The following PIF1 variants were observed in gnomAD, a reference collection of about 807,000 sequenced individuals.
PIF1 encodes the protein ATP-dependent DNA helicase PIF1.
Under a neutral mutation model 62.3 loss-of-function variants are expected in PIF1, and 67 were observed. The ratio of observed to expected loss-of-function variants is 1.08; its 90% CI spans 0.88 to 1.32. The LOEUF (loss-of-function observed/expected upper bound fraction) is 1.32. Among genes scored for constraint, PIF1 ranks in the 40% most tolerant of loss-of-function variants. The probability of loss-of-function intolerance (pLI) is 0.00; values close to 1 mark genes in which losing one functional copy is unlikely to be tolerated. For missense variants in PIF1, 886 were observed against 866.1 expected (o/e 1.02, Z -0.29); for synonymous variants, 364 against 379.5 (o/e 0.96, Z 0.47).
In PIF1 at chr15:64,815,918, ACCTGTCTTCATTGCCTCTCCCTTCTGCAG is replaced by A; in HGVS notation, c.*351_*379del. The A allele has an allele frequency of 6.5e-7, 1 of 1,550,362 alleles. No homozygotes were observed. The highest frequency in any genetic ancestry group is 8.7e-7 in the Non-Finnish European group (1 of 1,146,928). On this transcript the variant is annotated 3_prime_UTR_variant, in exon 13 of 13. Coordinates refer to ENST00000559239, the MANE Select transcript of PIF1 (RefSeq NM_001286496.2). Reference sequence around the variant, plus strand: ...AGAGCCCTGATGCTGCTTCCGGAGCACCTGTCTTCATTGCCTCTCCCTTCTGCAGCCTGAAAGGAGGGATGTTCAGGACT... The same window carrying A: ...AGAGCCCTGATGCTGCTTCCGGAGCACCTGAAAGGAGGGATGTTCAGGACT...
chr15:64,817,370 C>A (rs970919019), intron 11 of PIF1, among the ~76,000 whole-genome samples: 30 of 152,076 alleles, frequency 2.0e-4, no homozygotes, highest in South Asian at 4.2e-4. Context: ...CATGGCAAAA[C>A]CCCATCTCTA....
rs760786647 is a variant in PIF1, at chr15:64,821,434, G to A, written c.904C>T (p.Arg302Trp). 9.3e-6 allele frequency: 15 copies of A among 1,614,020 alleles called. No individual in the cohort carries two copies. Among genetic ancestry groups the A allele is most frequent in the South Asian group, 2.2e-5 (2 of 91,086 alleles). The change falls in exon 5 of 13, where the codon CGG becomes TGG. Residue 302 changes from arginine to tryptophan, a missense_variant. Coordinates refer to ENST00000559239, the MANE Select transcript of PIF1 (RefSeq NM_001286496.2). ...ATTGAGATCTCGTCAATGACCAACC[G>A]CTGGCAGTTCAGCCAGCCCTGCCGC... ...GVRQGWLNCQ[R>W]LVIDEISMVE...
In PIF1 at chr15:64,818,348, C is replaced by T; in HGVS notation, c.1441-4G>A. ...ATAAGTTTTTCACCAGCATCACCTGCAAGGGAGAGAGAGGAATGGACAGCA... is the reference window on the plus strand; with the variant it reads ...ATAAGTTTTTCACCAGCATCACCTGTAAGGGAGAGAGAGGAATGGACAGCA... On this transcript the variant is annotated splice_polypyrimidine_tract_variant and splice_region_variant and intron_variant, in intron 9 of 12. Coordinates refer to ENST00000559239, the MANE Select transcript of PIF1 (RefSeq NM_001286496.2). 6.2e-7 allele frequency: 1 copy of T among 1,613,932 alleles called. No homozygotes were observed. Among genetic ancestry groups the T allele is most frequent in the Non-Finnish European group, 8.5e-7 (1 of 1,179,896 alleles).
intron 1 of PIF1, 96 bp downstream of exon 1, chr15:64,825,473 C>T (rs897345327): frequency 1.3e-5 from 2 of 152,012 alleles, no homozygotes; most frequent in African/African-American, 4.8e-5. Flanking sequence ...CGCGGGGGAC[C>T]CTGGGACCCT....
At chr15:64,825,128 C>A (rs367977105) in intron 1 of PIF1, among the ~76,000 whole-genome samples, 1 of 151,848 alleles carries the variant, frequency 6.6e-6, no homozygotes, top group Non-Finnish European at 1.5e-5. Flanking sequence ...GGGGTCCCTG[C>A]GCAGAAAGAA....
chr15:64,819,057 C>T (rs1341884245), intron 9 of PIF1, 60 bp downstream of exon 9: 2 of 1,311,656 alleles, frequency 1.5e-6, no homozygotes, highest in South Asian at 1.5e-5. Context: ...GGGTAGGGAT[C>T]AGCAAGGCCC....
rs2084178050 is a variant in PIF1 at position 64,816,180 on chromosome 15, A to T, written c.*118T>A. On this transcript the variant is annotated 3_prime_UTR_variant, in exon 13 of 13. Coordinates refer to ENST00000559239, the MANE Select transcript of PIF1 (RefSeq NM_001286496.2). ...GCCAGGAGGCTGAGAGTCCCTAAAAAATACAGAAGGGGACACTGCCTGCCT... is the reference window on the plus strand; with the variant it reads ...GCCAGGAGGCTGAGAGTCCCTAAAATATACAGAAGGGGACACTGCCTGCCT... 7 of 1,538,940 alleles carry T rather than the reference A, an allele frequency of 4.5e-6. No homozygotes were observed. The highest frequency in any genetic ancestry group is 6.1e-6 in the Non-Finnish European group (7 of 1,144,628).
In PIF1 at chr15:64,821,468, C is replaced by A. The variant is rs780784914; in HGVS notation, c.870G>T (p.Arg290Ser). Residue 290 changes from arginine (R) to serine (S), a missense_variant, in exon 5 of 13, where the codon AGG becomes AGT. Physicochemically the swap from Arg to Ser is moderately radical, Grantham distance 110 (BLOSUM62 -1). Transcript: ENST00000559239. Reference protein sequence around the residue: ...PLAQCVALAQRPGVRQGWLNC... With the variant: ...PLAQCVALAQSPGVRQGWLNC... ...TCAGCCAGCCCTGCCGCACGCCTGG[C>A]CTTTGGGCCAGGGCCACACACTGGG... The A allele has an allele frequency of 9.9e-6, 16 of 1,613,954 alleles. No homozygotes were observed. The East Asian group carries it at 3.1e-4, about 31-fold the overall frequency.
At position 64,822,312 on chromosome 15, in the gene PIF1, C is replaced by T. The variant is rs368001409; in HGVS notation, c.771G>A (p.Gly257=). The change falls in exon 4 of 13, where the codon GGG becomes GGA. Residue 257 remains glycine, a synonymous_variant. Transcript: ENST00000559239. ...PTGTVATAST[G]VAACHIGGTT... ...TGCCCCCGATGTGGCAGGCTGCCAC[C>T]CCAGTGCTGGCAGTGGCCACAGTGC... 1.9e-4 allele frequency: 303 copies of T among 1,613,532 alleles called. No homozygotes were observed. The highest frequency in any genetic ancestry group is 2.5e-4 in the Non-Finnish European group (291 of 1,179,910).
Position 64,816,737 on chromosome 15 carries a change from G to C in PIF1, c.1703C>G (p.Ser568Cys), listed in dbSNP as rs745386764. The C allele has an allele frequency of 2.5e-6, 4 of 1,608,380 alleles. No individual in the cohort carries two copies. The African/African-American group carries it at 5.4e-5, about 22-fold the overall frequency. ...GCCACTGGCAAACACACGGCCCAGAGAAATCTCCACACAATCCAGGGTCAT... is the reference window on the plus strand; with the variant it reads ...GCCACTGGCAAACACACGGCCCAGACAAATCTCCACACAATCCAGGGTCAT... ...QGMTLDCVEI[S>C]LGRVFASGQA... The change falls in exon 12 of 13, where the codon TCT becomes TGT. Residue 568 changes from serine to cysteine, a missense_variant. Physicochemically the swap from Ser to Cys is moderately radical, Grantham distance 112. Coordinates refer to ENST00000559239, the MANE Select transcript of PIF1 (RefSeq NM_001286496.2).
At chr15:64,818,224 G>A (rs774891747) in intron 10 of PIF1, 33 bp downstream of exon 10, 21 of 1,612,482 alleles carry the variant, frequency 1.3e-5, no homozygotes, top group Admixed American at 1.2e-4. Flanking sequence ...GCAAAGCCCC[G>A]TAGCAGGACT....
chr15:64,821,405 C>T lies in PIF1; in HGVS notation c.933G>A (p.Val311=), dbSNP rs945002517. The change falls in exon 5 of 13, where the codon GTG becomes GTA. Residue 311 remains valine (V), a synonymous_variant. Coordinates refer to ENST00000559239, the MANE Select transcript of PIF1 (RefSeq NM_001286496.2). The part of the protein sequence containing the change: ...QRLVIDEISM[V]EADLFDKLEA... ...CCAGTTTGTCAAACAGGTCTGCCTC[C>T]ACCATTGAGATCTCGTCAATGACCA... The T allele has an allele frequency of 1.9e-6, 3 of 1,614,086 alleles. No homozygotes were observed. Among genetic ancestry groups the T allele is most frequent in the African/African-American group, 2.7e-5 (2 of 74,936 alleles).
chr15:64,822,641 C>G, intron 2 of PIF1, 31 bp from the exon 3 acceptor site: 2 of 1,611,772 alleles, frequency 1.2e-6, no homozygotes, highest in East Asian at 4.5e-5. Context: ...TCAGAGCATC[C>G]TCCCACCCGC....
rs767492357 is a variant in PIF1 at position 64,823,777 on chromosome 15, CTG to C, written c.557_558del (p.Thr186ArgfsTer23). On this transcript the variant is annotated frameshift_variant and splice_region_variant, in exon 2 of 13. Coordinates refer to ENST00000559239, the MANE Select transcript of PIF1 (RefSeq NM_001286496.2). LOFTEE classifies it high-confidence loss of function. ...AGGTGTCCCTTCTTTCCCGTCCTCA[CTG>C]TGCTAGGCTCGGCCCCAGCCTGGGG... ...VEPQAGAEPSTEAPRWPLPVK... is the reference protein window; with the variant it reads ...VEPQAGAEPSXEAPRWPLPVK... The C allele has an allele frequency of 2.7e-5, 36 of 1,321,018 alleles. No individual in the cohort carries two copies. In the South Asian group the frequency reaches 9.4e-4, roughly 34 times the overall value. 81.8% of individuals were successfully genotyped at this position (1,321,018 alleles called of 1,614,324 possible). A position where few individuals can be genotyped will look rare whatever the true frequency, so the allele number is the denominator to read the frequency against.
At chr15:64,822,143 G>T in intron 4 of PIF1, 123 bp downstream of exon 4, 4 of 1,306,264 alleles carry the variant, frequency 3.1e-6, no homozygotes, top group Non-Finnish European at 3.1e-6. Context: ...CTAAAGTTTT[G>T]GGATTACAAG....
Position 64,816,608 on chromosome 15 carries a change from T to G in PIF1, c.1832A>C (p.Tyr611Ser), listed in dbSNP as rs1456921716. 1.2e-6 allele frequency: 2 copies of G among 1,613,912 alleles called. No homozygotes were observed. The highest frequency in any genetic ancestry group is 2.2e-5 in the South Asian group (2 of 91,080). ...VRCDPRVLHF[Y>S]ATLRRGRSLS... ...GCTCCTGCCCCGCCGCAGGGTGGCA[T>G]AGAAGTGCAGCACACGGGGGTCACA... The change falls in exon 12 of 13, where the codon TAT (tyrosine) becomes TCT (serine). Residue 611 changes from tyrosine (Y) to serine (S), a missense_variant. Transcript: ENST00000559239.
intron 2 of PIF1, among the ~76,000 whole-genome samples, chr15:64,823,095 T>A (rs1416154085): frequency 1.3e-5 from 2 of 150,888 alleles, no homozygotes; most frequent in African/African-American, 5.0e-5. Context: ...CCCACCAGAC[T>A]TTTTTCCCCT....
chr15:64,817,592 G>A (rs7495156), intron 11 of PIF1, among the ~76,000 whole-genome samples: 61,468 of 151,474 alleles, frequency 0.41, 13,368 homozygotes, highest in Non-Finnish European at 0.48. Context: ...GGCCAGGCAC[G>A]GTGGCTCACA....
intron 4 of PIF1, 51 bp from the exon 5 acceptor site, chr15:64,821,571 T>C (rs2084289834): frequency 2.2e-5 from 18 of 828,738 alleles, no homozygotes; most frequent in South Asian, 5.5e-5. Flanking sequence ...CTCTCTTTTT[T>C]TTTTTTTTTT....
Sources: allele counts gnomAD v4.1 joint callset (sites outside exome capture counted in the v4.1 genomes callset), GRCh38; gene constraint gnomAD v4.1.1; transcripts MANE v1.5; gene names NCBI Gene and HGNC (gene_info 2026-07-23, HGNC 2026-07-21).